Variants in LAMC3 observed in about 807,000 individuals in gnomAD.
LAMC3 encodes the protein laminin subunit gamma-3.
Under a neutral mutation model 173.8 loss-of-function variants are expected in LAMC3, and 128 were observed. That is an observed-to-expected ratio of 0.74 (90% CI 0.64 to 0.85). The LOEUF (loss-of-function observed/expected upper bound fraction) is 0.85, where lower values mean the gene tolerates loss of function less well. Among genes scored for constraint, LAMC3 ranks in the 40% least tolerant of loss-of-function variants. The pLI is 0.00. For synonymous variants in LAMC3, 897 were observed against 909.1 expected, an observed-to-expected ratio of 0.99 and a Z score of 0.24; for missense variants, 2,022 against 2,156.0, an observed-to-expected ratio of 0.94 and a Z score of 1.23.
intron 22 of LAMC3, 53 bp downstream of exon 22, chr9:131,077,387 A>G: frequency 6.2e-7 from 1 of 1,604,488 alleles, no homozygotes; most frequent in Non-Finnish European, 8.5e-7. Context: ...TCTATTATAG[A>G]AGCTGGAGGC....
At chr9:131,069,935 C>A in intron 17 of LAMC3, 85 bp downstream of exon 17, 1 of 1,362,012 alleles carries the variant, frequency 7.3e-7, no homozygotes, top group Non-Finnish European at 1.0e-6. Flanking sequence ...CAGGAACTGC[C>A]TGCTTACCCC....
At chr9:131,053,192 G>C (rs1292641398) in intron 11 of LAMC3, among the ~76,000 whole-genome samples, 4 of 152,246 alleles carry the variant, frequency 2.6e-5, no homozygotes, top group African/African-American at 9.6e-5. Context: ...ATGGACAGGA[G>C]AGAGGCCTGA....
intron 23 of LAMC3, chr9:131,080,344 C>CA (rs1830216468): frequency 7.8e-6 from 1 of 127,804 alleles, no homozygotes. Context: ...GGCTGGAGTG[C>CA]GTGGCGCGAT....
Position 131,039,257 on chromosome 9 carries a change from G to A in LAMC3, c.1283+9G>A, listed in dbSNP as rs772906678. On this transcript the variant is annotated intron_variant, in intron 6 of 27. Coordinates refer to ENST00000361069, the MANE Select transcript of LAMC3 (RefSeq NM_006059.4). ...AGTGAGGGAGGCTGCAGGTGAGGGC[G>A]AGGGGCGGCCCAGTATGGACACATT... is the stretch of plus-strand genomic sequence containing the variant. 61 of 1,598,472 alleles carry A rather than the reference G, an allele frequency of 3.8e-5. No homozygotes were observed. The highest frequency in any genetic ancestry group is 8.9e-5 in the East Asian group (4 of 44,874).
intron 23 of LAMC3, among the ~76,000 whole-genome samples, chr9:131,081,051 CCCT>C (rs1481061946): frequency 3.9e-5 from 6 of 152,362 alleles, no homozygotes; most frequent in African/African-American, 1.4e-4. Context: ...ACTCAGCAGT[CCCT>C]CCTCATTTCC....
At chr9:131,017,895 G>A (rs1024978381) in intron 1 of LAMC3, among the ~76,000 whole-genome samples, 4 of 151,452 alleles carry the variant, frequency 2.6e-5, no homozygotes, top group African/African-American at 4.9e-5. Context: ...GTGTGGTGGC[G>A]TGTGCCTGTA....
At chr9:131,040,506 G>C (rs897364476) in intron 6 of LAMC3, among the ~76,000 whole-genome samples, 2 of 152,142 alleles carry the variant, frequency 1.3e-5, no homozygotes, top group Non-Finnish European at 2.9e-5. Flanking sequence ...ACTTGCTTTG[G>C]TTGATAACGG....
intron 7 of LAMC3, 149 bp downstream of exon 7, chr9:131,041,884 C>T: frequency 1.4e-6 from 1 of 715,122 alleles, no homozygotes; most frequent in East Asian, 2.7e-5. Context: ...TCCTGGGGCA[C>T]CATGTATCTG....
intron 1 of LAMC3, among the ~76,000 whole-genome samples, chr9:131,020,805 G>C (rs543425502): frequency 2.6e-4 from 40 of 152,314 alleles, no homozygotes; most frequent in Non-Finnish European, 4.4e-4. Flanking sequence ...TTGGTGCATA[G>C]AGAGACTAGG....
At position 131,066,941 on chromosome 9, in the gene LAMC3, G is replaced by A. The variant is rs775982572; in HGVS notation, c.2348-19G>A. On this transcript the variant is annotated intron_variant, in intron 13 of 27. Coordinates refer to ENST00000361069, the MANE Select transcript of LAMC3 (RefSeq NM_006059.4). The stretch of plus-strand genomic sequence containing the variant: ...GTCCAGCCAGCTGTGTTCCCCACAC[G>A]TGCTCCCTCTACACACAGGGCGGCG... The A allele has an allele frequency of 1.4e-5, 22 of 1,612,688 alleles. No individual in the cohort carries two copies. Among genetic ancestry groups the A allele is most frequent in the South Asian group, 3.3e-5 (3 of 91,062 alleles).
chr9:131,025,400 G>T (rs1433342956), intron 1 of LAMC3, among the ~76,000 whole-genome samples: 1 of 152,170 alleles, frequency 6.6e-6, no homozygotes, highest in Non-Finnish European at 1.5e-5. Context: ...TGTTGAGGAT[G>T]CTTCCAGGGT....
chr9:131,055,735 T>C (rs932637535), intron 11 of LAMC3, among the ~76,000 whole-genome samples: 7 of 151,900 alleles, frequency 4.6e-5, no homozygotes, highest in Non-Finnish European at 1.0e-4. Flanking sequence ...CATTTTTTTT[T>C]CCAAATATCA....
chr9:131,041,759 A>G, intron 7 of LAMC3, 24 bp downstream of exon 7: 3 of 1,595,870 alleles, frequency 1.9e-6, no homozygotes, highest in Admixed American at 3.4e-5. Context: ...TCCAGCAGTA[A>G]GCTTGCTGGA....
chr9:131,073,942 T>C (rs1830079611), intron 20 of LAMC3, among the ~76,000 whole-genome samples: 1 of 131,452 alleles, frequency 7.6e-6, no homozygotes, highest in Non-Finnish European at 1.5e-5. Context: ...TTCTTTTCTT[T>C]TCTTTTTTTT....
At position 131,052,886 on chromosome 9, in the gene LAMC3, G is replaced by GC. The variant is rs772623860; in HGVS notation, c.1866dup (p.Phe623LeufsTer31). On this transcript the variant is annotated frameshift_variant, in exon 11 of 28. Coordinates refer to ENST00000361069, the MANE Select transcript of LAMC3 (RefSeq NM_006059.4). LOFTEE classifies it high-confidence loss of function. Reference sequence around the variant, plus strand: ...CCTCCGAGGACGTGGCCCCTCCACTGCCCCCCTTCCACTTCCAGCGGCTCC... The same window carrying GC: ...CCTCCGAGGACGTGGCCCCTCCACTGCCCCCCCTTCCACTTCCAGCGGCTCC... 6.2e-7 allele frequency: 1 copy of GC among 1,613,356 alleles called. No homozygotes were observed.
Position 131,045,562 on chromosome 9 carries a change from C to T in LAMC3, c.1421C>T (p.Pro474Leu), listed in dbSNP as rs554878684. 344 of 1,614,070 alleles carry T rather than the reference C, an allele frequency of 2.1e-4. 3 individuals carry two copies. The South Asian group carries it at 3.6e-3, about 17-fold the overall frequency. Reference protein sequence around the residue: ...PGTFNLQPHNPAGCSSCFCYG... With the variant: ...PGTFNLQPHNLAGCSSCFCYG... ...ACCTTTAACCTGCAGCCCCACAATC[C>T]AGCTGGCTGCAGCAGCTGTTTCTGC... The change falls in exon 8 of 28, where the codon CCA becomes CTA. Residue 474 changes from proline (P) to leucine (L), a missense_variant. Physicochemically the swap from Pro to Leu is moderately conservative, Grantham distance 98. Coordinates refer to ENST00000361069, the MANE Select transcript of LAMC3 (RefSeq NM_006059.4).
rs1829993936 is a variant in LAMC3, at chr9:131,069,058, G to A, written c.2890+8G>A. The A allele has an allele frequency of 6.2e-7, 1 of 1,613,154 alleles. No individual in the cohort carries two copies. Among genetic ancestry groups the A allele is most frequent in the South Asian group, 1.1e-5 (1 of 91,048 alleles). On this transcript the variant is annotated splice_region_variant and intron_variant, in intron 16 of 27. Coordinates refer to ENST00000361069, the MANE Select transcript of LAMC3 (RefSeq NM_006059.4). ...CCATCAAGGGCTGCCGGGGTAAGGA[G>A]GCTGGGTCCTTCCCGGGCTGCCCTG...
chr9:131,026,030 C>T lies in LAMC3; in HGVS notation c.374-255C>T, dbSNP rs969890188. ...TGGCTGCCTCTCAGGGGTGTTGCAA[C>T]GGAGATTCCTGTGCAGGGTGGCGAG... On this transcript the variant is annotated intron_variant, in intron 1 of 27. Transcript: ENST00000361069. This position sits in a 1 kb window ranked among gnomAD's most constrained non-coding sequence, Gnocchi z 4.8. 1.3e-5 allele frequency among the ~76,000 whole-genome samples: 2 copies of T among 152,102 alleles called. No individual in the cohort carries two copies. Among genetic ancestry groups the T allele is most frequent in the Non-Finnish European group, 2.9e-5 (2 of 68,016 alleles).
intron 6 of LAMC3, among the ~76,000 whole-genome samples, chr9:131,040,175 A>G (rs1834023210): frequency 6.8e-6 from 1 of 147,008 alleles, no homozygotes; most frequent in African/African-American, 2.7e-5. Context: ...CACCATGCCC[A>G]CTATCTCTAT....
Sources: allele counts gnomAD v4.1 joint callset (sites outside exome capture counted in the v4.1 genomes callset), GRCh38; gene constraint gnomAD v4.1.1; non-coding constraint Gnocchi (gnomAD v3.1); transcripts MANE v1.5; gene names NCBI Gene and HGNC (gene_info 2026-07-23, HGNC 2026-07-21).